Variants in TFAP2A observed in about 807,000 individuals in gnomAD.
TFAP2A encodes transcription factor AP-2-alpha.
TFAP2A carries 7 observed loss-of-function variants against 41.5 expected under a neutral mutation model. That is an observed-to-expected ratio of 0.17 (90% CI 0.10 to 0.32). TFAP2A has a LOEUF of 0.32. Among genes scored for constraint, TFAP2A ranks in the 10% least tolerant of loss-of-function variants. The pLI, the probability that TFAP2A is intolerant of heterozygous loss-of-function variation, is 1.00. For synonymous variants in TFAP2A, 247 were observed against 242.8 expected (o/e 1.02, Z -0.16); for missense variants, 416 against 563.3 (o/e 0.74, Z 2.65).
chr6:10,397,058 ATATT>A lies in TFAP2A; in HGVS notation c.*1355_*1358del, dbSNP rs1248200556. 1 of 152,548 alleles carries A rather than the reference ATATT, an allele frequency of 6.6e-6. No homozygotes were observed. Among genetic ancestry groups the A allele is most frequent in the Non-Finnish European group, 1.5e-5 (1 of 68,040 alleles). 9.4% of individuals were successfully genotyped at this position (152,548 alleles called of 1,614,324 possible). A position where few individuals can be genotyped will look rare whatever the true frequency, so the allele number is the denominator to read the frequency against. On this transcript the variant is annotated 3_prime_UTR_variant, in exon 7 of 7. Coordinates refer to ENST00000379613, the MANE Select transcript of TFAP2A (RefSeq NM_001372066.1). ...AAAAAATCGACATAAAGCGTATCAA[ATATT>A]TATTTATCTGGGCAACAAAGGACTA...
chr6:10,398,345 GCTGT>G lies in TFAP2A; in HGVS notation c.*68_*71del. 1.2e-5 allele frequency: 20 copies of G among 1,606,314 alleles called. No individual in the cohort carries two copies. The South Asian group carries it at 2.2e-4, about 18-fold the overall frequency. On this transcript the variant is annotated 3_prime_UTR_variant, in exon 7 of 7. Coordinates refer to ENST00000379613, the MANE Select transcript of TFAP2A (RefSeq NM_001372066.1). This position sits in a 1 kb window ranked among gnomAD's most constrained non-coding sequence, Gnocchi z 5.3. ...AGCAGGAAGGGTTGCTGATCCCGGA[GCTGT>G]CACCCGCCGGAGGGTGGGCGCGCGG...
In TFAP2A at chr6:10,400,491, G is replaced by A. The variant is rs1233128354; in HGVS notation, c.988C>T (p.Pro330Ser). 1 of 1,614,026 alleles carries A rather than the reference G, an allele frequency of 6.2e-7. No homozygotes were observed. Among genetic ancestry groups the A allele is most frequent in the East Asian group, 2.2e-5 (1 of 44,902 alleles). Residue 330 changes from proline to serine, a missense_variant, in exon 6 of 7, where the codon CCC (proline) becomes TCC (serine). Around this residue, in one of 3 missense-constraint regions of TFAP2A, gnomAD observed 116 missense variants for 153.8 expected, o/e 0.75. Coordinates refer to ENST00000379613, the MANE Select transcript of TFAP2A (RefSeq NM_001372066.1). ...AEFLNRQHSD[P>S]NEQVTRKNML... ...TTTTTTCTTGTCACTTGCTCATTGG[G>A]ATCGGAATGTTGTCGGTTGAGAAAT...
At chr6:10,404,117 C>G (rs1183761829) in intron 4 of TFAP2A, among the ~76,000 whole-genome samples, 1 of 152,260 alleles carries the variant, frequency 6.6e-6, no homozygotes, top group African/African-American at 2.4e-5. Flanking sequence ...TTTTCCTGGG[C>G]TTGCAAGGTG....
At position 10,398,330 on chromosome 6, in the gene TFAP2A, G is replaced by C. The variant is rs1392335736; in HGVS notation, c.*87C>G. 1.9e-6 allele frequency: 3 copies of C among 1,592,896 alleles called. No homozygotes were observed. Among genetic ancestry groups the C allele is most frequent in the Non-Finnish European group, 2.6e-6 (3 of 1,175,458 alleles). ...AGCAGCAGTAGCAGCAGCAGGAAGG[G>C]TTGCTGATCCCGGAGCTGTCACCCG... On this transcript the variant is annotated 3_prime_UTR_variant, in exon 7 of 7. Transcript: ENST00000379613. This position sits in a 1 kb window ranked among gnomAD's most constrained non-coding sequence, Gnocchi z 5.3.
intron 2 of TFAP2A, 67 bp from the exon 3 acceptor site, chr6:10,406,911 C>G: frequency 1.6e-6 from 2 of 1,240,812 alleles, no homozygotes; most frequent in East Asian, 2.3e-5. Flanking sequence ...ATATTCCCTG[C>G]AAGATGGGAG....
chr6:10,414,883 G>A (rs1581276783), intron 1 of TFAP2A, 58 bp downstream of exon 1: 1 of 1,604,550 alleles, frequency 6.2e-7, no homozygotes. Flanking sequence ...AGGAGGAGAG[G>A]GAGGGTCAAG....
At chr6:10,419,570 A>C (rs1758358943), upstream of TFAP2A, 731 of 1,285,724 alleles carry the variant, frequency 5.7e-4, no homozygotes, top group Non-Finnish European at 7.5e-4. Flanking sequence ...CCAACATCTC[A>C]CCTGGTCATA....
At chr6:10,400,693 G>T in intron 5 of TFAP2A, 104 bp from the exon 6 acceptor site, 1 of 1,326,512 alleles carries the variant, frequency 7.5e-7, no homozygotes, top group Non-Finnish European at 1.1e-6. Context: ...CCCAGATGTT[G>T]CAGGAAACAC....
At chr6:10,412,238 C>G in intron 1 of TFAP2A, 1 of 986,974 alleles carries the variant, frequency 1.0e-6, no homozygotes, top group Middle Eastern at 5.2e-4. Flanking sequence ...CGGGGGGCCG[C>G]GGCGCGGCGT....
At chr6:10,419,296 G>T (rs1758349703), upstream of TFAP2A, 13 of 1,173,346 alleles carry the variant, frequency 1.1e-5, no homozygotes, top group East Asian at 2.2e-4. Flanking sequence ...GCTGCCAGGC[G>T]CGCCTCACCT....
rs1416387650 is a variant in TFAP2A at position 10,399,920 on chromosome 6, C to CTCTCTGTG, written c.1031+527_1031+528insCACAGAGA. On this transcript the variant is annotated intron_variant, in intron 6 of 6. Coordinates refer to ENST00000379613, the MANE Select transcript of TFAP2A (RefSeq NM_001372066.1). ...GGTCTCTCTCTCTCTCTCTCTCTCT[C>CTCTCTGTG]TGTCTGTGTGTGTGTGTGTGTGTGT... 1.7e-3 allele frequency among the ~76,000 whole-genome samples: 205 copies of CTCTCTGTG among 117,900 alleles called. 1 individual carries two copies. Among genetic ancestry groups the CTCTCTGTG allele is most frequent in the African/African-American group, 6.5e-3 (180 of 27,782 alleles). 77.3% of individuals were successfully genotyped at this position (117,900 alleles called of 152,430 possible).
intron 1 of TFAP2A, among the ~76,000 whole-genome samples, chr6:10,414,255 G>A (rs775357083): frequency 1.1e-4 from 17 of 152,190 alleles, no homozygotes; most frequent in Non-Finnish European, 1.5e-4. Context: ...ACACCCCCGT[G>A]GGGTGCGTCG....
At chr6:10,414,177 G>A (rs1183061477) in intron 1 of TFAP2A, among the ~76,000 whole-genome samples, 2 of 152,248 alleles carry the variant, frequency 1.3e-5, no homozygotes, top group East Asian at 3.9e-4. Flanking sequence ...GGCTGGTGCA[G>A]AAGCTGGTGC....
chr6:10,411,050 C>G lies in TFAP2A; in HGVS notation c.52-715G>C, dbSNP rs796118395. The G allele has an allele frequency of 7.9e-3, 1,113 of 140,896 alleles. 30 individuals are homozygous for G. Among genetic ancestry groups the G allele is most frequent in the African/African-American group, 0.027 (1,050 of 38,488 alleles). The allele number at this position is 140,896 out of a possible 1,614,324, so 8.7% of individuals were successfully genotyped here. On this transcript the variant is annotated intron_variant, in intron 1 of 6. Coordinates refer to ENST00000379613, the MANE Select transcript of TFAP2A (RefSeq NM_001372066.1). ...GAGGTGCACCCCGGGGCTGTGGCCC[C>G]CCCCCCCCGCCCCTTCCACCCCAGC...
chr6:10,411,776 G>A, intron 1 of TFAP2A: 2 of 1,458,744 alleles, frequency 1.4e-6, no homozygotes, highest in Non-Finnish European at 1.8e-6. Context: ...GGATCCATCC[G>A]AACTTGAACC....
Position 10,403,301 on chromosome 6 carries a change from C to G in TFAP2A, c.771-691G>C, listed in dbSNP as rs531430607. On this transcript the variant is annotated intron_variant, in intron 4 of 6. Transcript: ENST00000379613. ...TCAGATTTTATTCCCTACTCAAGTG[C>G]TCTTTAATTGTGTGGATTAGATTAT... Among the ~76,000 whole-genome samples, 13 of 152,268 alleles carry G rather than the reference C, an allele frequency of 8.5e-5. No homozygotes were observed. The South Asian group carries it at 2.7e-3, about 32-fold the overall frequency.
chr6:10,404,763 C>T (rs1403665508), intron 3 of TFAP2A, 24 bp from the exon 4 acceptor site: 1 of 1,604,590 alleles, frequency 6.2e-7, no homozygotes, highest in South Asian at 1.1e-5. Context: ...GGGGAGGCCG[C>T]GTGTTGGGCG....
chr6:10,415,143 G>T, upstream of TFAP2A: 1 of 1,544,386 alleles, frequency 6.5e-7, no homozygotes, highest in Non-Finnish European at 8.7e-7. Flanking sequence ...GGGAGAGGAG[G>T]AGGGCAAGGA....
At position 10,398,610 on chromosome 6, in the gene TFAP2A, C is replaced by T; in HGVS notation, c.1127G>A (p.Ser376Asn). Residue 376 changes from serine to asparagine, a missense_variant, in exon 7 of 7, where the codon AGC becomes AAC. By Grantham distance (46) the Ser-to-Asn change is conservative. This residue lies in a region of TFAP2A where 116 missense variants were observed against 153.8 expected (regional missense o/e 0.75). Coordinates refer to ENST00000379613, the MANE Select transcript of TFAP2A (RefSeq NM_001372066.1). This position sits in a 1 kb window ranked among gnomAD's most constrained non-coding sequence, Gnocchi z 5.3. ...PNPILEPGIQ[S>N]CLTHFNLISH... ...GATGAGGTTGAAGTGGGTCAAGCAG[C>T]TCTGGATGCCGGGCTCCAGGATGGG... is the stretch of plus-strand genomic sequence containing the variant. The T allele has an allele frequency of 1.2e-6, 2 of 1,614,236 alleles. No individual in the cohort carries two copies. The highest frequency in any genetic ancestry group is 1.7e-6 in the Non-Finnish European group (2 of 1,180,032).
Sources: allele counts gnomAD v4.1 joint callset (sites outside exome capture counted in the v4.1 genomes callset), GRCh38; gene constraint gnomAD v4.1.1; regional missense constraint gnomAD v4.1.1; non-coding constraint Gnocchi (gnomAD v3.1); transcripts MANE v1.5; gene names NCBI Gene and HGNC (gene_info 2026-07-23, HGNC 2026-07-21).